ERC1: variants seen among roughly 807,000 people sequenced by gnomAD.
The protein encoded by ERC1 is RAB6 interacting protein 2.
In ERC1, 56 loss-of-function variants were observed where a neutral mutation model predicts 132.0. That is an observed-to-expected ratio of 0.42 (90% CI 0.34 to 0.53). The LOEUF (loss-of-function observed/expected upper bound fraction) is 0.53, where lower values mean the gene tolerates loss of function less well. Among genes scored for constraint, ERC1 ranks in the 20% least tolerant of loss-of-function variants. The pLI is 0.03. For synonymous variants in ERC1, 478 were observed against 476.1 expected, an observed-to-expected ratio of 1.00 and a Z score of -0.05; for missense variants, 1,202 against 1,349.9, an observed-to-expected ratio of 0.89 and a Z score of 1.72.
At chr12:1,111,688 G>A (rs143341687) in intron 5 of ERC1, among the ~76,000 whole-genome samples, 7,069 of 150,562 alleles carry the variant, frequency 0.047, 253 homozygotes, top group Middle Eastern at 0.092. Context: ...GCGTGATCTC[G>A]GTTCACTGCA....
chr12:1,406,932 T>A (rs1457974087), intron 16 of ERC1, among the ~76,000 whole-genome samples: 1 of 152,210 alleles, frequency 6.6e-6, no homozygotes, highest in Non-Finnish European at 1.5e-5. Context: ...TCATACAGTA[T>A]TAGCAAGTTT....
Position 1,495,686 on chromosome 12 carries a change from A to G in ERC1, c.*5456A>G. 1 of 224,892 alleles carries G rather than the reference A, an allele frequency of 4.4e-6. No individual in the cohort carries two copies. The allele number at this position is 224,892 out of a possible 1,614,324, so 13.9% of individuals were successfully genotyped here. A position where few individuals can be genotyped will look rare whatever the true frequency, so the allele number is the denominator to read the frequency against. ...AGCTGAGGAGCACCTGCCCCCTTGT[A>G]GCTTGAGTTCCTTTTGGTAACAGTA... On this transcript the variant is annotated 3_prime_UTR_variant, in exon 19 of 19. Transcript: ENST00000360905.
intron 14 of ERC1, among the ~76,000 whole-genome samples, chr12:1,266,425 G>C (rs1334867878): frequency 1.9e-5 from 1 of 52,402 alleles, no homozygotes; most frequent in South Asian, 7.3e-4. Flanking sequence ...TTTTTTTTGA[G>C]ATGGAGTCTT....
At chr12:1,255,356 T>C (rs981641532) in intron 13 of ERC1, among the ~76,000 whole-genome samples, 7 of 152,146 alleles carry the variant, frequency 4.6e-5, no homozygotes, top group African/African-American at 1.7e-4. Flanking sequence ...TGATGGACAT[T>C]TAGGTTGGTT....
At chr12:1,164,295 T>C (rs931800726) in intron 8 of ERC1, among the ~76,000 whole-genome samples, 5 of 94,462 alleles carry the variant, frequency 5.3e-5, no homozygotes, top group Non-Finnish European at 1.3e-4. Flanking sequence ...TTTTATTTTG[T>C]TATTTTATTT....
chr12:1,259,984 GTAGT>G (rs2077046595), intron 13 of ERC1, among the ~76,000 whole-genome samples: 1 of 152,174 alleles, frequency 6.6e-6, no homozygotes, highest in Non-Finnish European at 1.5e-5. Context: ...GCTGTAGTGT[GTAGT>G]TAGTCTCTAG....
At chr12:1,179,755 C>A (rs1459629343) in intron 8 of ERC1, among the ~76,000 whole-genome samples, 1 of 152,282 alleles carries the variant, frequency 6.6e-6, no homozygotes, top group African/African-American at 2.4e-5. Flanking sequence ...GATCTGCCCG[C>A]CTCGGCCTCC....
chr12:1,382,932 G>A (rs1003062944), intron 16 of ERC1, among the ~76,000 whole-genome samples: 5 of 152,082 alleles, frequency 3.3e-5, no homozygotes, highest in Admixed American at 6.6e-5. Context: ...TTACTAATAA[G>A]TAGAAAGTCC....
In ERC1 at chr12:1,033,584, C is replaced by T. The variant is rs546448448; in HGVS notation, c.669+5012C>T. Among the ~76,000 whole-genome samples, 150 of 152,268 alleles carry T rather than the reference C, an allele frequency of 9.9e-4. 1 individual carries two copies. The highest frequency in any genetic ancestry group is 1.7e-3 in the Non-Finnish European group (118 of 68,014). Reference sequence around the variant, plus strand: ...GTTCAAGCGATTCTTCTGCCTCACCCTCCCGAGTGGCCAGGATTACAGGCG... The same window carrying T: ...GTTCAAGCGATTCTTCTGCCTCACCTTCCCGAGTGGCCAGGATTACAGGCG... On this transcript the variant is annotated intron_variant, in intron 2 of 18. Coordinates refer to ENST00000360905, the MANE Select transcript of ERC1 (RefSeq NM_178040.4).
chr12:1,243,163 C>A (rs912291013), intron 13 of ERC1, among the ~76,000 whole-genome samples: 43 of 138,318 alleles, frequency 3.1e-4, no homozygotes, highest in African/African-American at 1.1e-3. Context: ...GTCCGCAGTC[C>A]GGCCTGGGCG....
chr12:1,401,628 T>C (rs1210555586), intron 16 of ERC1, among the ~76,000 whole-genome samples: 1 of 152,120 alleles, frequency 6.6e-6, no homozygotes, highest in Non-Finnish European at 1.5e-5. Context: ...ATGCAAATTG[T>C]ACCAACTTCA....
chr12:1,022,774 CGTCTGGGTAATATTT>C (rs1966569680), intron 1 of ERC1, among the ~76,000 whole-genome samples: 1 of 152,002 alleles, frequency 6.6e-6, no homozygotes, highest in African/African-American at 2.4e-5. Context: ...CAAGTGAGCA[CGTCTGGGTAATATTT>C]GTATTTTTAG....
intron 15 of ERC1, among the ~76,000 whole-genome samples, chr12:1,326,695 A>G (rs1469967727): frequency 1.3e-5 from 2 of 152,282 alleles, no homozygotes; most frequent in East Asian, 3.9e-4. Context: ...TGAAAAGTTG[A>G]TATTTTTTAG....
At chr12:1,234,088 T>A (rs750822628) in intron 12 of ERC1, among the ~76,000 whole-genome samples, 1 of 152,190 alleles carries the variant, frequency 6.6e-6, no homozygotes, top group African/African-American at 2.4e-5. Context: ...AAATAAAATA[T>A]ATACACATTT....
rs2091972564 is a variant in ERC1 at position 1,413,851 on chromosome 12, A to G, written c.3024+5604A>G. 2.6e-5 allele frequency among the ~76,000 whole-genome samples: 4 copies of G among 152,202 alleles called. No homozygotes were observed. The South Asian group carries it at 8.3e-4, about 32-fold the overall frequency. On this transcript the variant is annotated intron_variant, in intron 17 of 18. Transcript: ENST00000360905. ...AGCTCAGGCTGCTATTGAAAATATC[A>G]TAGACTGGATGGCTTAAACCAGCAG...
At chr12:1,251,428 A>G (rs1248535806) in intron 13 of ERC1, among the ~76,000 whole-genome samples, 1 of 152,120 alleles carries the variant, frequency 6.6e-6, no homozygotes, top group Non-Finnish European at 1.5e-5. Context: ...TTTTCTATAT[A>G]GAATATTGTC....
intron 7 of ERC1, among the ~76,000 whole-genome samples, chr12:1,134,787 G>A (rs934703349): frequency 2.7e-5 from 4 of 148,682 alleles, no homozygotes; most frequent in South Asian, 4.2e-4. Flanking sequence ...GGAGTGCAAT[G>A]GCGTGATCTC....
intron 15 of ERC1, among the ~76,000 whole-genome samples, chr12:1,341,058 C>CTTTTCT (rs1344930048): frequency 0.022 from 1,198 of 54,256 alleles, 165 homozygotes; most frequent in African/African-American, 0.053. Flanking sequence ...TCCACTTATT[C>CTTTTCT]TTTTCTTTTT....
intron 2 of ERC1, among the ~76,000 whole-genome samples, chr12:1,039,100 G>A (rs1397634316): frequency 2.6e-5 from 4 of 151,994 alleles, no homozygotes; most frequent in African/African-American, 9.7e-5. Context: ...ACTTTGGGAG[G>A]CCGAGGCTGG....
Sources: allele counts gnomAD v4.1 joint callset (sites outside exome capture counted in the v4.1 genomes callset), GRCh38; gene constraint gnomAD v4.1.1; transcripts MANE v1.5; gene names NCBI Gene and HGNC (gene_info 2026-07-23, HGNC 2026-07-21).